Variants in RHEB observed in about 807,000 individuals in gnomAD.
The protein encoded by RHEB is GTP-binding protein Rheb.
In RHEB, 2 loss-of-function variants were observed where a neutral mutation model predicts 28.8. The ratio of observed to expected loss-of-function variants is 0.07; its 90% confidence interval spans 0.03 to 0.22. The LOEUF (loss-of-function observed/expected upper bound fraction) is 0.22, where lower values mean the gene tolerates loss of function less well. Ranked by LOEUF, RHEB falls within the 10% of genes least tolerant of loss-of-function variation. RHEB has a pLI of 1.00. For missense variants in RHEB, 76 were observed against 219.9 expected (o/e 0.35, Z 4.14); for synonymous variants, 69 against 77.3 (o/e 0.89, Z 0.56).
chr7:151,499,108 T>C (rs933630669), intron 1 of RHEB, among the ~76,000 whole-genome samples: 1 of 152,242 alleles, frequency 6.6e-6, no homozygotes, highest in Non-Finnish European at 1.5e-5. Context: ...GGCTTAGGCT[T>C]GTAATCCTAG....
chr7:151,517,552 G>A (rs1803103950), intron 1 of RHEB, among the ~76,000 whole-genome samples: 1 of 151,922 alleles, frequency 6.6e-6, no homozygotes, highest in Admixed American at 6.6e-5. Flanking sequence ...GACTAAGTTA[G>A]CACAGTATTT....
At chr7:151,505,102 CA>C (rs796748124) in intron 1 of RHEB, among the ~76,000 whole-genome samples, 123 of 98,100 alleles carry the variant, frequency 1.3e-3, no homozygotes, top group Middle Eastern at 5.3e-3. Context: ...AAAGTGAAAA[CA>C]AAAAAAAAAA....
intron 1 of RHEB, among the ~76,000 whole-genome samples, chr7:151,506,990 G>C (rs1303173497): frequency 6.6e-6 from 1 of 152,200 alleles, no homozygotes; most frequent in Non-Finnish European, 1.5e-5. Context: ...TTAAAGCCTG[G>C]AACTGGCACA....
At chr7:151,469,528 A>G (rs963997144) in intron 7 of RHEB, among the ~76,000 whole-genome samples, 10 of 152,116 alleles carry the variant, frequency 6.6e-5, no homozygotes, top group South Asian at 2.1e-4. Context: ...CCCAGGGAGG[A>G]GGCACCACCC....
At chr7:151,514,819 T>C (rs1803046985) in intron 1 of RHEB, among the ~76,000 whole-genome samples, 2 of 152,098 alleles carry the variant, frequency 1.3e-5, no homozygotes, top group Admixed American at 6.6e-5. Flanking sequence ...AGAGGATTGC[T>C]TGAGGTCAAG....
chr7:151,479,974 A>C (rs750398571), intron 3 of RHEB, among the ~76,000 whole-genome samples: 2 of 152,222 alleles, frequency 1.3e-5, no homozygotes, highest in Non-Finnish European at 2.9e-5. Context: ...AGCCCCTCCT[A>C]AGAAGAAAAG....
chr7:151,485,309 T>C (rs949559782), intron 2 of RHEB, among the ~76,000 whole-genome samples: 1 of 152,240 alleles, frequency 6.6e-6, no homozygotes, highest in East Asian at 1.9e-4. Context: ...ATGTTCTGTG[T>C]TGAAGCCATC....
chr7:151,477,496 C>T (rs541744580), intron 3 of RHEB, 81 bp from the exon 4 acceptor site: 2 of 772,246 alleles, frequency 2.6e-6, no homozygotes, highest in East Asian at 2.6e-5. Flanking sequence ...TCATGTATTA[C>T]CTGAAGAAAT....
intron 3 of RHEB, among the ~76,000 whole-genome samples, chr7:151,479,481 T>TCGGG (rs2150923855): frequency 6.6e-6 from 1 of 152,170 alleles, no homozygotes; most frequent in East Asian, 1.9e-4. Flanking sequence ...AGGAGATTCA[T>TCGGG]ATCATCCTGG....
intron 1 of RHEB, chr7:151,517,762 A>T (rs1319545361): frequency 6.6e-6 from 1 of 151,950 alleles, no homozygotes; most frequent in African/African-American, 2.4e-5. Flanking sequence ...TCGACATTTG[A>T]AAAGGGTAAA....
chr7:151,497,011 G>T (rs531431773), intron 1 of RHEB, among the ~76,000 whole-genome samples: 2 of 148,418 alleles, frequency 1.3e-5, no homozygotes, highest in Non-Finnish European at 3.0e-5. Context: ...GGATGGTCTC[G>T]ATCCCTGGTC....
chr7:151,480,767 C>T (rs917922010), intron 3 of RHEB, among the ~76,000 whole-genome samples: 2 of 151,762 alleles, frequency 1.3e-5, no homozygotes, highest in African/African-American at 4.8e-5. Context: ...TTACTACAAC[C>T]TCCGCCTCCT....
chr7:151,494,664 T>C (rs182455213), intron 1 of RHEB, among the ~76,000 whole-genome samples: 1 of 152,342 alleles, frequency 6.6e-6, no homozygotes, highest in Admixed American at 6.5e-5. Flanking sequence ...GGGTGGAAAC[T>C]GGATTTTCAA....
chr7:151,485,672 G>T (rs1802459134), intron 2 of RHEB, among the ~76,000 whole-genome samples: 1 of 152,120 alleles, frequency 6.6e-6, no homozygotes, highest in African/African-American at 2.4e-5. Flanking sequence ...TCTACCCACA[G>T]CAGAAAGGCA....
chr7:151,515,105 C>A (rs1247874755), intron 1 of RHEB, among the ~76,000 whole-genome samples: 1 of 150,500 alleles, frequency 6.6e-6, no homozygotes, highest in African/African-American at 2.4e-5. Context: ...ACCCACATAT[C>A]CAATTGACAA....
At chr7:151,492,635 A>G (rs1194519170) in intron 1 of RHEB, among the ~76,000 whole-genome samples, 2 of 151,724 alleles carry the variant, frequency 1.3e-5, no homozygotes, top group Non-Finnish European at 2.9e-5. Flanking sequence ...AAAAAAAGAA[A>G]AAAAGTAGGG....
rs889214589 is a variant in RHEB at position 151,479,670 on chromosome 7, G to T, written c.193-2255C>A. Among the ~76,000 whole-genome samples, 3 of 131,542 alleles carry T rather than the reference G, an allele frequency of 2.3e-5. No individual in the cohort carries two copies. In the Admixed American group the frequency reaches 2.5e-4, roughly 11 times the overall value. The allele number at this position is 131,542 out of a possible 152,430, so 86.3% of individuals were successfully genotyped here. On this transcript the variant is annotated intron_variant, in intron 3 of 7. Transcript: ENST00000262187. ...AGCACTCCAGCCTGGGCGATAGAGCGAGACTCCGTCTCAAAAAAAAAAAAA... is the reference window on the plus strand; with the variant it reads ...AGCACTCCAGCCTGGGCGATAGAGCTAGACTCCGTCTCAAAAAAAAAAAAA...
intron 1 of RHEB, among the ~76,000 whole-genome samples, chr7:151,511,628 A>AT (rs1802990419): frequency 1.3e-5 from 2 of 152,022 alleles, no homozygotes; most frequent in African/African-American, 4.8e-5. Flanking sequence ...TTAAAATACT[A>AT]AAATAGTATT....
At chr7:151,517,180 GGCCAAGTGGTGAAACCCGTCTC>G in intron 1 of RHEB, among the ~76,000 whole-genome samples, 1 of 152,176 alleles carries the variant, frequency 6.6e-6, no homozygotes, top group Non-Finnish European at 1.5e-5. Context: ...CCTGACGTTT[GGCCAAGTGGTGAAACCCGTCTC>G]TACTAAAAAT....
Sources: gnomAD v4.1 joint callset for allele counts (sites outside exome capture counted in the v4.1 genomes callset) on GRCh38, gnomAD v4.1.1 for gene constraint, MANE v1.5 for transcripts, NCBI Gene and HGNC (gene_info 2026-07-23, HGNC 2026-07-21) for gene names.